The following PCDH15 variants were observed in gnomAD, a reference collection of about 807,000 sequenced individuals.
The protein encoded by PCDH15 is protocadherin related 15.
Under a neutral mutation model 178.5 loss-of-function variants are expected in PCDH15, and 129 were observed. The ratio of observed to expected loss-of-function variants is 0.72; its 90% CI spans 0.63 to 0.84. PCDH15 has a LOEUF of 0.84. PCDH15 is among the 40% of genes least tolerant of loss of function. The probability of loss-of-function intolerance (pLI) is 0.00; values close to 1 mark genes in which losing one functional copy is unlikely to be tolerated. For synonymous variants in PCDH15, 800 were observed against 732.0 expected (o/e 1.09, Z -1.50); for missense variants, 2,230 against 2,099.9 (o/e 1.06, Z -1.21).
chr10:54,857,976 G>T (rs1053648172), intron 3 of PCDH15, among the ~76,000 whole-genome samples: 3 of 149,650 alleles, frequency 2.0e-5, no homozygotes, highest in Non-Finnish European at 3.0e-5. Context: ...CAGCAATTTC[G>T]AAATGTACAA....
chr10:53,806,079 C>CTT lies in PCDH15; in HGVS notation c.*498_*499dup, dbSNP rs1841131427. ...TATTTACAGGTGATTCCCTCATTTA[C>CTT]TTTACTTTGCAATTCTAGCTTTCAT... On this transcript the variant is annotated 3_prime_UTR_variant, in exon 38 of 38. Coordinates refer to ENST00000644397, the MANE Select transcript of PCDH15 (RefSeq NM_001384140.1). 1.3e-5 allele frequency: 2 copies of CTT among 153,484 alleles called. No individual in the cohort carries two copies. Among genetic ancestry groups the CTT allele is most frequent in the Non-Finnish European group, 2.9e-5 (2 of 69,094 alleles). 9.5% of individuals were successfully genotyped at this position (153,484 alleles called of 1,614,324 possible).
At chr10:55,038,341 T>C (rs1422544176) in intron 2 of PCDH15, among the ~76,000 whole-genome samples, 2 of 152,198 alleles carry the variant, frequency 1.3e-5, no homozygotes, top group Non-Finnish European at 2.9e-5. Flanking sequence ...ATATTTAAAG[T>C]ACACAATCTT....
intron 2 of PCDH15, among the ~76,000 whole-genome samples, chr10:55,068,678 G>A (rs1374299174): frequency 6.6e-6 from 1 of 151,528 alleles, no homozygotes; most frequent in Non-Finnish European, 1.5e-5. Flanking sequence ...ATATTTCTTG[G>A]GGCAGTATGG....
intron 2 of PCDH15, among the ~76,000 whole-genome samples, chr10:55,084,507 T>C (rs111992747): frequency 6.7e-6 from 1 of 149,478 alleles, no homozygotes; most frequent in African/African-American, 2.5e-5. Context: ...CTCCAGGACA[T>C]AGATCAAGGC....
intron 2 of PCDH15, among the ~76,000 whole-genome samples, chr10:55,383,638 T>A (rs1258895556): frequency 6.6e-6 from 1 of 152,174 alleles, no homozygotes; most frequent in African/African-American, 2.4e-5. Flanking sequence ...ATGTTGTCAT[T>A]GGCTCTGAAG....
chr10:54,724,903 T>G (rs890926899), intron 1 of PCDH15, among the ~76,000 whole-genome samples: 3 of 146,544 alleles, frequency 2.0e-5, no homozygotes, highest in South Asian at 2.1e-4. Context: ...AGTACATATA[T>G]ATATAGATAT....
At chr10:54,556,355 CA>C (rs1340985094) in intron 2 of PCDH15, among the ~76,000 whole-genome samples, 1 of 150,434 alleles carries the variant, frequency 6.6e-6, no homozygotes, top group Admixed American at 6.7e-5. Context: ...TTCTGCTAGA[CA>C]CTGAAGGACC....
At chr10:54,040,940 C>G (rs1408972467) in intron 18 of PCDH15, among the ~76,000 whole-genome samples, 1 of 151,972 alleles carries the variant, frequency 6.6e-6, no homozygotes, top group Non-Finnish European at 1.5e-5. Flanking sequence ...TTGCAGGTAA[C>G]TTTTAAATAG....
At chr10:53,976,111 G>C (rs1292022781) in intron 21 of PCDH15, among the ~76,000 whole-genome samples, 1 of 152,044 alleles carries the variant, frequency 6.6e-6, no homozygotes, top group East Asian at 1.9e-4. Flanking sequence ...ACTCTATTCT[G>C]TTCCACTGGT....
chr10:54,150,622 T>C (rs1038265701), intron 14 of PCDH15, among the ~76,000 whole-genome samples: 24 of 152,132 alleles, frequency 1.6e-4, no homozygotes, highest in African/African-American at 5.5e-4. Flanking sequence ...TTAGGTTAGA[T>C]AGTATTTTAT....
chr10:55,011,829 T>C (rs1247426506), intron 2 of PCDH15, among the ~76,000 whole-genome samples: 1 of 152,064 alleles, frequency 6.6e-6, no homozygotes, highest in Non-Finnish European at 1.5e-5. Context: ...AAAGTCATAT[T>C]ACAGATTAAC....
At chr10:54,755,908 T>G (rs1394364912) in intron 1 of PCDH15, among the ~76,000 whole-genome samples, 2 of 152,228 alleles carry the variant, frequency 1.3e-5, no homozygotes, top group South Asian at 4.1e-4. Flanking sequence ...TGGATGTTAC[T>G]TTCTCTCTCT....
intron 3 of PCDH15, among the ~76,000 whole-genome samples, chr10:54,483,311 TTA>T (rs1160680774): frequency 1.3e-5 from 2 of 151,962 alleles, no homozygotes; most frequent in East Asian, 3.9e-4. Context: ...TGCTCAGCAA[TTA>T]TGTTATGAGC....
At chr10:54,217,912 CTTTT>C (rs201141699) in intron 9 of PCDH15, among the ~76,000 whole-genome samples, 2 of 151,578 alleles carry the variant, frequency 1.3e-5, no homozygotes, top group Non-Finnish European at 2.9e-5. Context: ...AGCCAAAAGG[CTTTT>C]TTTTGTTTTT....
intron 1 of PCDH15, among the ~76,000 whole-genome samples, chr10:55,216,161 C>T (rs954896459): frequency 1.3e-5 from 2 of 151,504 alleles, no homozygotes; most frequent in African/African-American, 4.9e-5. Flanking sequence ...AGAATAGGTG[C>T]TCAACAAATG....
intron 10 of PCDH15, among the ~76,000 whole-genome samples, chr10:54,201,445 A>T (rs2050220457): frequency 6.6e-6 from 1 of 151,808 alleles, no homozygotes; most frequent in African/African-American, 2.4e-5. Flanking sequence ...ATATAATCAT[A>T]TTGCTTGTAT....
intron 8 of PCDH15, among the ~76,000 whole-genome samples, chr10:54,248,697 G>A (rs2056215049): frequency 6.6e-6 from 1 of 151,992 alleles, no homozygotes; most frequent in Non-Finnish European, 1.5e-5. Context: ...TCAATACATG[G>A]TAAGAGAAAG....
intron 2 of PCDH15, among the ~76,000 whole-genome samples, chr10:54,602,075 C>A (rs1047718779): frequency 6.6e-6 from 1 of 151,712 alleles, no homozygotes; most frequent in Non-Finnish European, 1.5e-5. Context: ...GAATATCAAA[C>A]CCCCATGACA....
chr10:55,316,245 C>A (rs188585924), intron 1 of PCDH15, among the ~76,000 whole-genome samples: 135 of 152,158 alleles, frequency 8.9e-4, no homozygotes, highest in African/African-American at 3.1e-3. Flanking sequence ...CATTTTTTCT[C>A]AAACTCAGTG....
Sources: gnomAD v4.1 joint callset for allele counts (sites outside exome capture counted in the v4.1 genomes callset) on GRCh38, gnomAD v4.1.1 for gene constraint, MANE v1.5 for transcripts, NCBI Gene and HGNC (gene_info 2026-07-23, HGNC 2026-07-21) for gene names.